Variants in TMEM132D observed in about 807,000 individuals in gnomAD.
TMEM132D encodes transmembrane protein 132D, also known as mature OL transmembrane protein.
Under a neutral mutation model 62.3 loss-of-function variants are expected in TMEM132D, and 21 were observed. The observed-to-expected ratio is 0.34, with a 90% CI of 0.24 to 0.49. The LOEUF is 0.49. Among genes scored for constraint, TMEM132D ranks in the 20% least tolerant of loss-of-function variants. TMEM132D has a pLI of 0.99. For missense variants in TMEM132D, 1,346 were observed against 1,402.8 expected (o/e 0.96, Z 0.65); for synonymous variants, 621 against 575.6 (o/e 1.08, Z -1.13).
At chr12:129,154,204 C>T (rs2135537415) in intron 5 of TMEM132D, among the ~76,000 whole-genome samples, 1 of 152,232 alleles carries the variant, frequency 6.6e-6, no homozygotes, top group East Asian at 1.9e-4. Context: ...TGTGGGATGA[C>T]AGCTCAGTGG....
At chr12:129,184,124 C>T (rs1878153863) in intron 5 of TMEM132D, among the ~76,000 whole-genome samples, 1 of 152,176 alleles carries the variant, frequency 6.6e-6, no homozygotes, top group African/African-American at 2.4e-5. Flanking sequence ...CCACTCATGT[C>T]ACCGTCTCAC....
At chr12:129,356,549 G>A (rs889575809) in intron 3 of TMEM132D, among the ~76,000 whole-genome samples, 4 of 151,670 alleles carry the variant, frequency 2.6e-5, no homozygotes, top group Non-Finnish European at 5.9e-5. Flanking sequence ...CGGGCTCGGT[G>A]ACTCATGCCT....
chr12:129,531,380 C>A (rs554726334), intron 2 of TMEM132D, among the ~76,000 whole-genome samples, 175 bp from the exon 3 acceptor site: 17 of 152,294 alleles, frequency 1.1e-4, no homozygotes, highest in South Asian at 8.3e-4. Flanking sequence ...GCCCTAATTT[C>A]TTTCCGTTTT....
At chr12:129,809,046 G>T (rs563580525) in intron 1 of TMEM132D, among the ~76,000 whole-genome samples, 2 of 152,260 alleles carry the variant, frequency 1.3e-5, no homozygotes, top group Non-Finnish European at 1.5e-5. Context: ...AGTGGCTCAC[G>T]CCTGTAATCC....
At chr12:129,499,124 T>C (rs1282990130) in intron 3 of TMEM132D, among the ~76,000 whole-genome samples, 1 of 152,192 alleles carries the variant, frequency 6.6e-6, no homozygotes, top group Non-Finnish European at 1.5e-5. Context: ...AATAACATTA[T>C]TGCTCTGTGA....
intron 3 of TMEM132D, among the ~76,000 whole-genome samples, chr12:129,472,305 A>T (rs1207304037): frequency 6.6e-6 from 1 of 152,188 alleles, no homozygotes; most frequent in Non-Finnish European, 1.5e-5. Flanking sequence ...GAAGCTGGAA[A>T]CTATCATCCT....
At chr12:129,871,857 A>G (rs1874253796) in intron 1 of TMEM132D, among the ~76,000 whole-genome samples, 1 of 152,132 alleles carries the variant, frequency 6.6e-6, no homozygotes, top group African/African-American at 2.4e-5. Context: ...CCCCACTAAA[A>G]ATCCCCCATG....
At chr12:129,419,457 G>A (rs1173858721) in intron 3 of TMEM132D, among the ~76,000 whole-genome samples, 1 of 152,100 alleles carries the variant, frequency 6.6e-6, no homozygotes, top group African/African-American at 2.4e-5. Flanking sequence ...GGTACTAGGA[G>A]GGGCACTGTG....
chr12:129,386,374 A>C (rs1329431325), intron 3 of TMEM132D, among the ~76,000 whole-genome samples: 5 of 152,170 alleles, frequency 3.3e-5, no homozygotes. Flanking sequence ...CAATAACACC[A>C]GCTCCAATGC....
At chr12:129,519,851 C>A (rs150740741) in intron 3 of TMEM132D, among the ~76,000 whole-genome samples, 2 of 152,016 alleles carry the variant, frequency 1.3e-5, no homozygotes, top group Admixed American at 6.6e-5. Flanking sequence ...TCAGGTGATC[C>A]GCCCGCCTCC....
intron 3 of TMEM132D, among the ~76,000 whole-genome samples, chr12:129,374,268 T>TGA (rs1566048946): frequency 1.4e-4 from 4 of 28,318 alleles, no homozygotes; most frequent in African/African-American, 3.7e-4. Flanking sequence ...ACCTCACACA[T>TGA]CAGAGAGAGA....
At chr12:129,307,805 T>TG (rs1284634882) in intron 4 of TMEM132D, among the ~76,000 whole-genome samples, 2 of 152,248 alleles carry the variant, frequency 1.3e-5, no homozygotes, top group Non-Finnish European at 2.9e-5. Flanking sequence ...CAAGTGGTCT[T>TG]GCTGCTTCCA....
chr12:129,494,814 T>C (rs1027111638), intron 3 of TMEM132D, among the ~76,000 whole-genome samples: 1 of 152,172 alleles, frequency 6.6e-6, no homozygotes. Context: ...CTCTGCCCTC[T>C]TTTCCTGCCT....
intron 2 of TMEM132D, among the ~76,000 whole-genome samples, chr12:129,593,966 C>A (rs1878265464): frequency 6.6e-6 from 1 of 152,182 alleles, no homozygotes; most frequent in African/African-American, 2.4e-5. Flanking sequence ...AGGCAACCCC[C>A]TGTTATGTAT....
At chr12:129,432,793 A>G (rs940648729) in intron 3 of TMEM132D, among the ~76,000 whole-genome samples, 2 of 152,234 alleles carry the variant, frequency 1.3e-5, no homozygotes, top group Admixed American at 6.5e-5. Context: ...TTCTTTTTGT[A>G]TAATAAACAT....
At chr12:129,739,222 A>G (rs1193556360) in intron 1 of TMEM132D, among the ~76,000 whole-genome samples, 3 of 152,122 alleles carry the variant, frequency 2.0e-5, no homozygotes, top group Non-Finnish European at 4.4e-5. Context: ...TCTGCTTTCA[A>G]TTCTTGTGCA....
chr12:129,414,820 C>G (rs888861985), intron 3 of TMEM132D, among the ~76,000 whole-genome samples: 2 of 152,124 alleles, frequency 1.3e-5, no homozygotes, highest in Non-Finnish European at 2.9e-5. Flanking sequence ...GTTCCCCCAC[C>G]CCACCGCCCA....
At chr12:129,082,425 T>TTTTCTTTCCTTGG (rs1327095656) in intron 6 of TMEM132D, among the ~76,000 whole-genome samples, 1 of 152,218 alleles carries the variant, frequency 6.6e-6, no homozygotes, top group African/African-American at 2.4e-5. Context: ...CTTGCTTGTG[T>TTTTCTTTCCTTGG]TTTCTTTCCT....
chr12:129,620,975 C>T (rs967794232), intron 2 of TMEM132D, among the ~76,000 whole-genome samples: 1 of 152,138 alleles, frequency 6.6e-6, no homozygotes. Context: ...TATTCCAGAA[C>T]TTAAAACAAA....
Sources: gnomAD v4.1 joint callset for allele counts (sites outside exome capture counted in the v4.1 genomes callset) on GRCh38, gnomAD v4.1.1 for gene constraint, MANE v1.5 for transcripts, NCBI Gene and HGNC (gene_info 2026-07-23, HGNC 2026-07-21) for gene names.